CTNNA3: variants seen among roughly 807,000 people sequenced by gnomAD.
CTNNA3 encodes catenin alpha-3.
CTNNA3 carries 76 observed loss-of-function variants against 95.7 expected under a neutral mutation model. The observed-to-expected ratio is 0.79, with a 90% CI of 0.66 to 0.96. The LOEUF (loss-of-function observed/expected upper bound fraction) is 0.96, where lower values mean the gene tolerates loss of function less well. Among genes scored for constraint, CTNNA3 ranks in the 40% least tolerant of loss-of-function variants. CTNNA3 has a pLI of 0.00. For missense variants in CTNNA3, 1,191 were observed against 1,089.8 expected (o/e 1.09, Z -1.31); for synonymous variants, 431 against 374.4 (o/e 1.15, Z -1.74).
intron 10 of CTNNA3, among the ~76,000 whole-genome samples, chr10:66,578,580 G>C (rs1236570642): frequency 6.6e-6 from 1 of 151,870 alleles, no homozygotes; most frequent in Non-Finnish European, 1.5e-5. Flanking sequence ...ATAATGATGT[G>C]GTTTTTGTTG....
chr10:66,241,626 TC>T (rs2090109918), intron 13 of CTNNA3, among the ~76,000 whole-genome samples: 2 of 142,148 alleles, frequency 1.4e-5, no homozygotes. Flanking sequence ...CAATTAAACA[TC>T]CCCCCACCCC....
rs140652472 is a variant in CTNNA3, at chr10:66,635,510, A to G, written c.1282-13726T>C. Among the ~76,000 whole-genome samples the G allele has an allele frequency of 2.4e-3, 370 of 152,252 alleles. 5 individuals are homozygous for G. The highest frequency in any genetic ancestry group is 4.6e-3 in the Admixed American group (71 of 15,292). ...TGGCAGAAAGAGAAGGGATTTTCTTAAAGAGAGATACAATATATTAAAGCC... is the reference window on the plus strand; with the variant it reads ...TGGCAGAAAGAGAAGGGATTTTCTTGAAGAGAGATACAATATATTAAAGCC... On this transcript the variant is annotated intron_variant, in intron 9 of 17. Transcript: ENST00000433211.
At chr10:66,160,011 G>C (rs541026999) in intron 13 of CTNNA3, among the ~76,000 whole-genome samples, 33 of 152,016 alleles carry the variant, frequency 2.2e-4, no homozygotes, top group African/African-American at 7.2e-4. Context: ...TTTCAGTGGT[G>C]TCAGTTGTAG....
intron 5 of CTNNA3, among the ~76,000 whole-genome samples, chr10:67,284,330 T>G (rs1257652399): frequency 1.3e-5 from 2 of 152,124 alleles, no homozygotes; most frequent in African/African-American, 4.8e-5. Flanking sequence ...TGAATTACAT[T>G]TAGGAGTGAA....
chr10:66,584,871 G>A (rs550805343), intron 10 of CTNNA3, among the ~76,000 whole-genome samples: 2 of 152,138 alleles, frequency 1.3e-5, no homozygotes, highest in East Asian at 3.9e-4. Context: ...TTCTCATAGA[G>A]CTGGTTTAGT....
intron 9 of CTNNA3, among the ~76,000 whole-genome samples, chr10:66,675,218 C>A (rs1368289975): frequency 6.6e-6 from 1 of 152,018 alleles, no homozygotes. Context: ...CTTGATTAAA[C>A]CCGATCCATC....
In CTNNA3 at chr10:67,673,366, T is replaced by A. The variant is rs1196862382; in HGVS notation, c.-6+22634A>T. On this transcript the variant is annotated intron_variant, in intron 1 of 17. Transcript: ENST00000433211. ...ATACCCTTTATTTCCTTCTCCTGCC[T>A]AATTGCCCTGGCCAGAACTTCCAAC... Among the ~76,000 whole-genome samples, 6 of 148,822 alleles carry A rather than the reference T, an allele frequency of 4.0e-5. No individual in the cohort carries two copies. In the South Asian group the frequency reaches 6.5e-4, roughly 16 times the overall value.
intron 11 of CTNNA3, among the ~76,000 whole-genome samples, chr10:66,396,270 A>G (rs2092976359): frequency 6.6e-6 from 1 of 152,036 alleles, no homozygotes; most frequent in African/African-American, 2.4e-5. Flanking sequence ...TATTGAACTG[A>G]ATAAACTATA....
At chr10:67,694,986 G>A (rs940299132) in intron 1 of CTNNA3, among the ~76,000 whole-genome samples, 1 of 152,068 alleles carries the variant, frequency 6.6e-6, no homozygotes, top group Non-Finnish European at 1.5e-5. Flanking sequence ...TTGTCCTATG[G>A]TTCTACTGAG....
chr10:66,649,462 C>T (rs1228320721), intron 9 of CTNNA3, among the ~76,000 whole-genome samples: 1 of 152,182 alleles, frequency 6.6e-6, no homozygotes, highest in Admixed American at 6.5e-5. Context: ...AGCCGCTTCA[C>T]AAACTGTATA....
At chr10:65,963,435 C>T (rs1197594016) in intron 17 of CTNNA3, among the ~76,000 whole-genome samples, 2 of 152,154 alleles carry the variant, frequency 1.3e-5, no homozygotes, top group African/African-American at 2.4e-5. Flanking sequence ...CATTTGTTTT[C>T]TACTTATTAA....
chr10:67,119,095 A>T (rs541106176), intron 7 of CTNNA3, among the ~76,000 whole-genome samples: 2 of 151,988 alleles, frequency 1.3e-5, no homozygotes, highest in Non-Finnish European at 2.9e-5. Flanking sequence ...TGAAAACATC[A>T]ATGTGTGTTC....
intron 7 of CTNNA3, among the ~76,000 whole-genome samples, chr10:67,152,753 A>G (rs1861139297): frequency 6.6e-6 from 1 of 150,510 alleles, no homozygotes; most frequent in Non-Finnish European, 1.5e-5. Context: ...TACTTTGCCA[A>G]AGAGAATGAT....
At chr10:67,521,530 TAG>T (rs1426427884) in intron 5 of CTNNA3, among the ~76,000 whole-genome samples, 1 of 152,186 alleles carries the variant, frequency 6.6e-6, no homozygotes, top group African/African-American at 2.4e-5. Flanking sequence ...CAAGCCATTA[TAG>T]AGACTCCCTT....
intron 15 of CTNNA3, among the ~76,000 whole-genome samples, chr10:65,989,071 G>A (rs2078486649): frequency 6.6e-6 from 1 of 152,094 alleles, no homozygotes; most frequent in South Asian, 2.1e-4. Flanking sequence ...CCCCCGAAGA[G>A]CTGGGACTGC....
chr10:67,276,556 T>C (rs1262044457), intron 5 of CTNNA3, among the ~76,000 whole-genome samples: 1 of 152,166 alleles, frequency 6.6e-6, no homozygotes, highest in Admixed American at 6.5e-5. Flanking sequence ...TATGCATCCA[T>C]TGTATTTGTA....
At chr10:67,562,797 G>T (rs1841572472) in intron 3 of CTNNA3, among the ~76,000 whole-genome samples, 1 of 152,074 alleles carries the variant, frequency 6.6e-6, no homozygotes, top group Non-Finnish European at 1.5e-5. Context: ...AAAGTCTCAG[G>T]ATACAAAATC....
intron 9 of CTNNA3, among the ~76,000 whole-genome samples, chr10:66,712,608 T>TCACACACACACACACACACA (rs201322402): frequency 2.0e-4 from 31 of 151,622 alleles, no homozygotes; most frequent in African/African-American, 7.3e-4. Flanking sequence ...TCTCTCTCTC[T>TCACACACACACACACACACA]CACACACACA....
At chr10:67,234,001 T>G (rs1865341535) in intron 5 of CTNNA3, among the ~76,000 whole-genome samples, 1 of 152,142 alleles carries the variant, frequency 6.6e-6, no homozygotes, top group Admixed American at 6.5e-5. Context: ...TAACAGGAGC[T>G]GAAATTGTGG....
Sources: allele counts gnomAD v4.1 joint callset (sites outside exome capture counted in the v4.1 genomes callset), GRCh38; gene constraint gnomAD v4.1.1; transcripts MANE v1.5; gene names NCBI Gene and HGNC (gene_info 2026-07-23, HGNC 2026-07-21).